The following PRIM2 variants were observed in gnomAD, a reference collection of about 807,000 sequenced individuals.
The protein encoded by PRIM2 is DNA primase large subunit.
PRIM2 carries 39 observed loss-of-function variants against 67.3 expected under a neutral mutation model. The observed-to-expected ratio is 0.58, with a 90% CI of 0.45 to 0.76. The LOEUF is 0.76. Among genes scored for constraint, PRIM2 ranks in the 30% least tolerant of loss-of-function variants. The probability of loss-of-function intolerance (pLI) is 0.00; values close to 1 mark genes in which losing one functional copy is unlikely to be tolerated. For missense variants in PRIM2, 398 were observed against 598.7 expected, an observed-to-expected ratio of 0.66 and a Z score of 3.50; for synonymous variants, 143 against 198.7, an observed-to-expected ratio of 0.72 and a Z score of 2.36.
the PRIM2 span, among the ~76,000 whole-genome samples, chr6:57,228,644 T>C: frequency 6.6e-6 from 1 of 152,188 alleles, no homozygotes; most frequent in Non-Finnish European, 1.5e-5. Flanking sequence ...AGCTGGCATA[T>C]GGCTTACAGT....
intron 7 of PRIM2, among the ~76,000 whole-genome samples, chr6:57,414,224 A>T (rs1262316811): frequency 1.3e-5 from 2 of 152,118 alleles, no homozygotes; most frequent in African/African-American, 4.8e-5. Context: ...ATCCCTTTTG[A>T]TATCTTCTTC....
chr6:57,371,827 TA>T lies in PRIM2; in HGVS notation c.460-8070del, dbSNP rs1049268300. On this transcript the variant is annotated intron_variant, in intron 5 of 13. Coordinates refer to ENST00000615550, the MANE Select transcript of PRIM2 (RefSeq NM_000947.5). Reference sequence around the variant, plus strand: ...AGAATTATAACTTGGCTCTAAAACTTAAAATAGCTACTTCCTCTCAGATATT... The same window carrying T: ...AGAATTATAACTTGGCTCTAAAACTTAAATAGCTACTTCCTCTCAGATATT... 3.9e-5 allele frequency among the ~76,000 whole-genome samples: 6 copies of T among 152,336 alleles called. No homozygotes were observed. The East Asian group carries it at 1.2e-3, about 29-fold the overall frequency.
chr6:57,618,920 C>T (rs1334414290), intron 12 of PRIM2, among the ~76,000 whole-genome samples: 2 of 152,134 alleles, frequency 1.3e-5, no homozygotes, highest in Non-Finnish European at 2.9e-5. Flanking sequence ...TGCACTGCTA[C>T]TGCTGATGCT....
the PRIM2 span, among the ~76,000 whole-genome samples, chr6:57,250,437 T>C: frequency 6.6e-6 from 1 of 152,132 alleles, no homozygotes; most frequent in African/African-American, 2.4e-5. Flanking sequence ...AATAAACAAA[T>C]GCCTACATAG....
intron 5 of PRIM2, among the ~76,000 whole-genome samples, chr6:57,367,677 C>A (rs1769406928): frequency 6.6e-6 from 1 of 152,224 alleles, no homozygotes; most frequent in Non-Finnish European, 1.5e-5. Context: ...TCTAGGATGT[C>A]TAAGACAGCT....
At chr6:57,229,569 C>A in the PRIM2 span, among the ~76,000 whole-genome samples, 1 of 152,000 alleles carries the variant, frequency 6.6e-6, no homozygotes, top group Non-Finnish European at 1.5e-5. Flanking sequence ...CTCACTACAG[C>A]CTCTGCCTCC....
At position 57,362,879 on chromosome 6, in the gene PRIM2, GT is replaced by G. The variant is rs61344527; in HGVS notation, c.460-17019del. The stretch of plus-strand genomic sequence containing the variant: ...ATTAACTGGGTGCTTGAAATAAATA[GT>G]TTGTAATTAAAGAAACGGTTGCAAA... On this transcript the variant is annotated intron_variant, in intron 5 of 13. Coordinates refer to ENST00000615550, the MANE Select transcript of PRIM2 (RefSeq NM_000947.5). 7.2e-4 allele frequency among the ~76,000 whole-genome samples: 109 copies of G among 152,266 alleles called. No individual in the cohort carries two copies. In the East Asian group the frequency reaches 0.019, roughly 26 times the overall value.
At chr6:57,525,933 G>A (rs1554349325) in intron 8 of PRIM2, among the ~76,000 whole-genome samples, 2 of 152,178 alleles carry the variant, frequency 1.3e-5, no homozygotes, top group Non-Finnish European at 2.9e-5. Flanking sequence ...AGGTGTGTGT[G>A]TGGTGTTTTT....
At chr6:57,389,442 C>G (rs1770258180) in intron 7 of PRIM2, among the ~76,000 whole-genome samples, 1 of 152,028 alleles carries the variant, frequency 6.6e-6, no homozygotes, top group Non-Finnish European at 1.5e-5. Context: ...TTGTGAGACT[C>G]ATCTTTAGAA....
chr6:57,478,329 T>C (rs1324523185), intron 7 of PRIM2, among the ~76,000 whole-genome samples: 7 of 126,644 alleles, frequency 5.5e-5, no homozygotes, highest in African/African-American at 2.6e-4. Context: ...TGGTTGTGTT[T>C]TTTTTTTGTT....
At chr6:57,535,232 C>T (rs1774980246) in intron 9 of PRIM2, among the ~76,000 whole-genome samples, 2 of 152,082 alleles carry the variant, frequency 1.3e-5, no homozygotes, top group Non-Finnish European at 2.9e-5. Flanking sequence ...GTGCACCAGG[C>T]AGGGCTAGCA....
chr6:57,568,420 T>A (rs1294155942), intron 10 of PRIM2, among the ~76,000 whole-genome samples: 170 of 152,334 alleles, frequency 1.1e-3, no homozygotes, highest in Non-Finnish European at 5.7e-4. Context: ...TGAAGAACTG[T>A]GGGTTTGCAG....
At chr6:57,640,433 G>A (rs2127501537) in intron 13 of PRIM2, among the ~76,000 whole-genome samples, 1 of 152,276 alleles carries the variant, frequency 6.6e-6, no homozygotes, top group African/African-American at 2.4e-5. Flanking sequence ...AATAGGAAGA[G>A]AGGGAGTCAA....
intron 13 of PRIM2, among the ~76,000 whole-genome samples, chr6:57,638,576 C>CAAAAAAAAAAAA (rs1227220865): frequency 1.5e-3 from 47 of 31,992 alleles, no homozygotes; most frequent in Admixed American, 2.5e-3. Flanking sequence ...AAACAGAAAG[C>CAAAAAAAAAAAA]AAAAAAAAAA....
At chr6:57,428,445 C>G (rs1771704270) in intron 7 of PRIM2, among the ~76,000 whole-genome samples, 1 of 152,148 alleles carries the variant, frequency 6.6e-6, no homozygotes, top group African/African-American at 2.4e-5. Flanking sequence ...TGTAAATATA[C>G]TTGAAGAAAG....
At chr6:57,456,672 T>C (rs1419149727) in intron 7 of PRIM2, among the ~76,000 whole-genome samples, 1 of 152,192 alleles carries the variant, frequency 6.6e-6, no homozygotes, top group Non-Finnish European at 1.5e-5. Flanking sequence ...CTGGTTATTC[T>C]AGTTAGCCAT....
chr6:57,329,786 G>A (rs550240446), intron 5 of PRIM2, among the ~76,000 whole-genome samples: 12 of 152,258 alleles, frequency 7.9e-5, no homozygotes, highest in South Asian at 2.1e-4. Flanking sequence ...TTACAGCAGC[G>A]TGAGAACAGA....
At chr6:57,606,341 C>T (rs1171960119) in intron 11 of PRIM2, 34 bp from the exon 12 acceptor site, 4 of 1,540,020 alleles carry the variant, frequency 2.6e-6, no homozygotes, top group Non-Finnish European at 2.7e-6. Context: ...GATAAATAAC[C>T]TTGTTTGTGT....
chr6:57,341,378 C>A (rs1267698122), intron 5 of PRIM2, among the ~76,000 whole-genome samples: 1 of 152,110 alleles, frequency 6.6e-6, no homozygotes, highest in Non-Finnish European at 1.5e-5. Flanking sequence ...GATGGGGATT[C>A]ATGGAAGATA....
Sources: gnomAD v4.1 joint callset for allele counts (sites outside exome capture counted in the v4.1 genomes callset) on GRCh38, gnomAD v4.1.1 for gene constraint, MANE v1.5 for transcripts, NCBI Gene and HGNC (gene_info 2026-07-23, HGNC 2026-07-21) for gene names.